The following RGL1 variants were observed in gnomAD, a reference collection of about 807,000 sequenced individuals.
RGL1 encodes ral guanine nucleotide dissociation stimulator like 1, also known as ral guanine nucleotide dissociation stimulator-like 1.
Under a neutral mutation model 95.2 loss-of-function variants are expected in RGL1, and 24 were observed. The ratio of observed to expected loss-of-function variants is 0.25; its 90% CI spans 0.18 to 0.35. The LOEUF is 0.35. Among genes scored for constraint, RGL1 ranks in the 10% least tolerant of loss-of-function variants. The pLI is 1.00. For missense variants in RGL1, 715 were observed against 936.3 expected (o/e 0.76, Z 3.08); for synonymous variants, 329 against 344.9 (o/e 0.95, Z 0.51).
At chr1:183,834,432 C>T (rs947162984) in intron 2 of RGL1, among the ~76,000 whole-genome samples, 5 of 152,044 alleles carry the variant, frequency 3.3e-5, no homozygotes, top group South Asian at 2.1e-4. Flanking sequence ...CCTAAGGTTG[C>T]GAGAGGCCTT....
At chr1:183,893,932 A>C (rs189306046) in intron 9 of RGL1, among the ~76,000 whole-genome samples, 208 of 152,320 alleles carry the variant, frequency 1.4e-3, no homozygotes, top group African/African-American at 4.5e-3. Flanking sequence ...TATCATTCAC[A>C]TGACTTTTTA....
At chr1:183,792,468 G>C (rs1660482656) in intron 2 of RGL1, among the ~76,000 whole-genome samples, 1 of 152,032 alleles carries the variant, frequency 6.6e-6, no homozygotes, top group African/African-American at 2.4e-5. Context: ...GGAAGTCCCA[G>C]CCAGAACAAT....
chr1:183,883,135 A>T (rs1258365018), intron 5 of RGL1, among the ~76,000 whole-genome samples: 1 of 152,060 alleles, frequency 6.6e-6, no homozygotes, highest in African/African-American at 2.4e-5. Flanking sequence ...TTTATTCGGA[A>T]TCCTGGGTAC....
intron 1 of RGL1, among the ~76,000 whole-genome samples, chr1:183,697,728 C>A (rs1020066766): frequency 2.6e-5 from 4 of 152,200 alleles, no homozygotes; most frequent in African/African-American, 9.7e-5. Context: ...TTTTTAGTTG[C>A]GTGCTGGTAC....
chr1:183,785,260 T>C (rs1385587558), intron 2 of RGL1, among the ~76,000 whole-genome samples: 2 of 152,244 alleles, frequency 1.3e-5, no homozygotes, highest in East Asian at 3.9e-4. Context: ...TTCAGGTGTA[T>C]CAAACTATTT....
intron 2 of RGL1, among the ~76,000 whole-genome samples, chr1:183,759,961 A>G (rs1434327031): frequency 1.3e-5 from 2 of 152,186 alleles, no homozygotes; most frequent in Non-Finnish European, 2.9e-5. Context: ...CTGCATATCT[A>G]TCTTATAAGA....
In RGL1 at chr1:183,838,373, C is replaced by T. The variant is rs372322472; in HGVS notation, c.139-9193C>T. On this transcript the variant is annotated intron_variant, in intron 2 of 17. Transcript: ENST00000360851. ...CTCTATCTAGGAAACCCTACTGAGA[C>T]AGGATGGCAAAGGGGGATGGGATTT... Among the ~76,000 whole-genome samples, 11 of 152,274 alleles carry T rather than the reference C, an allele frequency of 7.2e-5. No individual in the cohort carries two copies. The East Asian group carries it at 1.7e-3, about 24-fold the overall frequency.
intron 2 of RGL1, among the ~76,000 whole-genome samples, chr1:183,781,273 A>C (rs1014504272): frequency 6.6e-6 from 1 of 151,896 alleles, no homozygotes; most frequent in Non-Finnish European, 1.5e-5. Flanking sequence ...TTTTTTGGAG[A>C]GATCAATTTC....
intron 2 of RGL1, among the ~76,000 whole-genome samples, chr1:183,834,986 G>A (rs1663536296): frequency 6.6e-6 from 1 of 152,138 alleles, no homozygotes; most frequent in African/African-American, 2.4e-5. Context: ...CCTGGCCAAA[G>A]CACTTTTAAT....
intron 1 of RGL1, among the ~76,000 whole-genome samples, chr1:183,733,225 C>T (rs750987675): frequency 2.0e-5 from 3 of 152,012 alleles, no homozygotes; most frequent in Non-Finnish European, 4.4e-5. Flanking sequence ...ATACATGGAT[C>T]GTGACCAACA....
intron 1 of RGL1, among the ~76,000 whole-genome samples, chr1:183,805,856 G>GT (rs1175121118): frequency 1.3e-5 from 2 of 151,370 alleles, no homozygotes; most frequent in African/African-American, 4.9e-5. Context: ...GACTCTTGGC[G>GT]TTTTAAACAC....
At chr1:183,837,979 C>T (rs1263740241) in intron 2 of RGL1, among the ~76,000 whole-genome samples, 1 of 152,200 alleles carries the variant, frequency 6.6e-6, no homozygotes. Flanking sequence ...ACCTGCCACT[C>T]ACCTGCTGCT....
chr1:183,828,994 A>G (rs1663074868), intron 2 of RGL1, among the ~76,000 whole-genome samples: 1 of 152,226 alleles, frequency 6.6e-6, no homozygotes, highest in South Asian at 2.1e-4. Context: ...TTGTCATCAT[A>G]GGAATTTCTC....
intron 16 of RGL1, among the ~76,000 whole-genome samples, chr1:183,919,302 T>C (rs1219927495): frequency 6.6e-6 from 1 of 152,180 alleles, no homozygotes; most frequent in Admixed American, 6.5e-5. Flanking sequence ...TGTTTTTGTT[T>C]TTACTGTGAG....
intron 2 of RGL1, among the ~76,000 whole-genome samples, chr1:183,841,140 C>T (rs1664032784): frequency 6.6e-6 from 1 of 152,124 alleles, no homozygotes; most frequent in African/African-American, 2.4e-5. Flanking sequence ...CAGTGCCTGG[C>T]ACATAGTACC....
intron 16 of RGL1, among the ~76,000 whole-genome samples, chr1:183,921,148 T>C (rs1191306472): frequency 6.6e-6 from 1 of 152,192 alleles, no homozygotes; most frequent in Non-Finnish European, 1.5e-5. Context: ...CTGCAAATAG[T>C]TGGCTGGCAG....
chr1:183,734,107 C>T lies in RGL1; in HGVS notation c.-32-8019C>T, dbSNP rs139458682. On this transcript the variant is annotated intron_variant, in intron 1 of 18. Coordinates refer to the RGL1 transcript ENST00000304685. Reference sequence around the variant, plus strand: ...TAACCTGAAATGTGGAAGGGCTAGTCGATTCGGAAGCTAGTTAAAATGATT... The same window carrying T: ...TAACCTGAAATGTGGAAGGGCTAGTTGATTCGGAAGCTAGTTAAAATGATT... Among the ~76,000 whole-genome samples, 14 of 152,298 alleles carry T rather than the reference C, an allele frequency of 9.2e-5. 1 individual carries two copies. In the East Asian group the frequency reaches 2.1e-3, roughly 23 times the overall value.
At chr1:183,669,462 A>G (rs115410015) in intron 1 of RGL1, among the ~76,000 whole-genome samples, 5,753 of 152,302 alleles carry the variant, frequency 0.038, 140 homozygotes, top group Middle Eastern at 0.058. Flanking sequence ...GAAGCATTAA[A>G]TTTCTGGTCT....
In RGL1 at chr1:183,792,940, A is replaced by G. The variant is rs113234502; in HGVS notation, c.133-13435A>G. ...ACCAATTTTTCTTCCAAGAAATAGA[A>G]AAAACAGTCCTAAAATTTGTATGTA... On this transcript the variant is annotated intron_variant, in intron 2 of 18. Transcript: ENST00000304685. Among the ~76,000 whole-genome samples the G allele has an allele frequency of 3.9e-3, 590 of 152,288 alleles. 5 individuals carry two copies. The highest frequency in any genetic ancestry group is 0.013 in the African/African-American group (560 of 41,578).
Sources: gnomAD v4.1 joint callset for allele counts (sites outside exome capture counted in the v4.1 genomes callset) on GRCh38, gnomAD v4.1.1 for gene constraint, MANE v1.5 for transcripts, NCBI Gene and HGNC (gene_info 2026-07-23, HGNC 2026-07-21) for gene names.